Variants in CNTLN observed in about 807,000 individuals in gnomAD.
CNTLN encodes centlein.
CNTLN carries 212 observed loss-of-function variants against 180.0 expected under a neutral mutation model. The ratio of observed to expected loss-of-function variants is 1.18; its 90% CI spans 1.05 to 1.32. The LOEUF (loss-of-function observed/expected upper bound fraction) is 1.32, where lower values mean the gene tolerates loss of function less well. CNTLN is among the 40% of genes most tolerant of loss of function. The pLI, the probability that CNTLN is intolerant of heterozygous loss-of-function variation, is 0.00. For synonymous variants in CNTLN, 722 were observed against 563.1 expected, an observed-to-expected ratio of 1.28 and a Z score of -3.99; for missense variants, 2,095 against 1,610.9, an observed-to-expected ratio of 1.30 and a Z score of -5.14.
chr9:17,413,901 T>C lies in CNTLN; in HGVS notation c.2797-1887T>C, dbSNP rs748485433. ...GAAAATATATGTTTACCAAAAAAAC[T>C]TGTACATGAATGATCATAGAACCTT... is the stretch of plus-strand genomic sequence containing the variant. On this transcript the variant is annotated intron_variant, in intron 16 of 25. Transcript: ENST00000380647. 3.3e-5 allele frequency among the ~76,000 whole-genome samples: 5 copies of C among 152,242 alleles called. No individual in the cohort carries two copies. In the Middle Eastern group the frequency reaches 0.01, roughly 311 times the overall value.
chr9:17,266,961 C>T (rs1587413200), intron 5 of CNTLN, among the ~76,000 whole-genome samples: 1 of 151,988 alleles, frequency 6.6e-6, no homozygotes, highest in African/African-American at 2.4e-5. Context: ...TTCCTGAATA[C>T]AGCACACTGA....
chr9:17,228,799 A>C (rs1707695888), intron 3 of CNTLN, among the ~76,000 whole-genome samples: 1 of 152,130 alleles, frequency 6.6e-6, no homozygotes, highest in Non-Finnish European at 1.5e-5. Context: ...ACTTGATAGT[A>C]ATTCTGAAAA....
At position 17,354,846 on chromosome 9, in the gene CNTLN, C is replaced by G. The variant is rs549922556; in HGVS notation, c.1887-11771C>G. Reference sequence around the variant, plus strand: ...TTGCAATAAATCTTGCTATTGCTCACTCTTTGGGTCCACACTGCTTTTATG... The same window carrying G: ...TTGCAATAAATCTTGCTATTGCTCAGTCTTTGGGTCCACACTGCTTTTATG... On this transcript the variant is annotated intron_variant, in intron 12 of 25. Transcript: ENST00000380647. Among the ~76,000 whole-genome samples, 10 of 152,236 alleles carry G rather than the reference C, an allele frequency of 6.6e-5. No homozygotes were observed. In the East Asian group the frequency reaches 1.6e-3, roughly 24 times the overall value.
intron 12 of CNTLN, among the ~76,000 whole-genome samples, chr9:17,363,947 T>A (rs1296515796): frequency 6.6e-6 from 1 of 152,168 alleles, no homozygotes; most frequent in South Asian, 2.1e-4. Flanking sequence ...ATTTTCCTTC[T>A]GGCTTTGTTT....
chr9:17,345,915 T>G (rs557787105), intron 12 of CNTLN, among the ~76,000 whole-genome samples: 7 of 152,194 alleles, frequency 4.6e-5, no homozygotes, highest in Non-Finnish European at 1.0e-4. Context: ...TTCTTTCAGT[T>G]TGAAGAACTT....
chr9:17,409,296 T>G lies in CNTLN; in HGVS notation c.2619T>G (p.Ser873Arg), dbSNP rs772748358. Residue 873 changes from serine (S) to arginine (R), a missense_variant, in exon 16 of 26, where the codon AGT (serine) becomes AGG (arginine). By Grantham distance (110) the Ser-to-Arg change is moderately radical. Coordinates refer to ENST00000380647, the MANE Select transcript of CNTLN (RefSeq NM_017738.4). ...DGWEDVSESS[S>R]DSEAQTSQTL... is the part of the protein sequence containing the mutation. ...GTCCCTACTTTTTTCTAAAAAGCAG[T>G]GATTCTGAAGCACAGACCTCTCAAA... is the stretch of plus-strand genomic sequence containing the variant. The G allele has an allele frequency of 1.2e-6, 2 of 1,606,438 alleles. No individual in the cohort carries two copies. Among genetic ancestry groups the G allele is most frequent in the Middle Eastern group, 1.7e-4 (1 of 6,056 alleles).
At chr9:17,511,035 C>G in the CNTLN span, among the ~76,000 whole-genome samples, 1 of 152,172 alleles carries the variant, frequency 6.6e-6, no homozygotes, top group Non-Finnish European at 1.5e-5. Context: ...TTCTCCAGGA[C>G]TTGGTACTCT....
At chr9:17,496,026 A>C (rs2383029) in intron 25 of CNTLN, among the ~76,000 whole-genome samples, 56,869 of 151,956 alleles carry the variant, frequency 0.37, 10,844 homozygotes, top group East Asian at 0.53. Flanking sequence ...TTGCCTAACA[A>C]TGTATTTCTC....
At chr9:17,382,535 A>G (rs1825339886) in intron 13 of CNTLN, among the ~76,000 whole-genome samples, 1 of 152,240 alleles carries the variant, frequency 6.6e-6, no homozygotes, top group Admixed American at 6.5e-5. Context: ...ACTTCTTGGA[A>G]TGATTAATAT....
rs145294277 is a variant in CNTLN, at chr9:17,478,621, C to T, written c.3856-5674C>T. 4.6e-5 allele frequency among the ~76,000 whole-genome samples: 7 copies of T among 151,974 alleles called. No individual in the cohort carries two copies. The East Asian group carries it at 1.4e-3, about 29-fold the overall frequency. On this transcript the variant is annotated intron_variant, in intron 23 of 25. Coordinates refer to ENST00000380647, the MANE Select transcript of CNTLN (RefSeq NM_017738.4). ...GCGTCTTCTAGAAATTTTATGCTTT[C>T]AGGTCTGATACTTAAGTCTTTTATC...
Position 17,298,368 on chromosome 9 carries a change from G to C in CNTLN, c.1146+16G>C, listed in dbSNP as rs912913760. 6.3e-7 allele frequency: 1 copy of C among 1,593,822 alleles called. No individual in the cohort carries two copies. Among genetic ancestry groups the C allele is most frequent in the African/African-American group, 1.4e-5 (1 of 73,832 alleles). ...ATATCAAAAAGTATGCTTTTATTCT[G>C]TAATAAAGATGTAAATGTTTATGTA... On this transcript the variant is annotated intron_variant, in intron 7 of 25. Coordinates refer to ENST00000380647, the MANE Select transcript of CNTLN (RefSeq NM_017738.4).
chr9:17,185,385 A>T (rs1223158384), intron 2 of CNTLN, among the ~76,000 whole-genome samples: 1 of 152,244 alleles, frequency 6.6e-6, no homozygotes, highest in Non-Finnish European at 1.5e-5. Context: ...AGGGTTTATC[A>T]AAAGATAATA....
intron 25 of CNTLN, among the ~76,000 whole-genome samples, chr9:17,498,287 A>G (rs1365963185): frequency 1.3e-5 from 2 of 152,098 alleles, no homozygotes; most frequent in African/African-American, 4.8e-5. Context: ...TTTTTCTAAG[A>G]TAGTTCTCAA....
intron 2 of CNTLN, among the ~76,000 whole-genome samples, chr9:17,165,815 C>T (rs938909172): frequency 1.3e-5 from 2 of 152,202 alleles, no homozygotes; most frequent in African/African-American, 4.8e-5. Flanking sequence ...CTGATCTATC[C>T]AGTCATAAGA....
intron 12 of CNTLN, 22 bp from the exon 13 acceptor site, chr9:17,366,595 A>C: frequency 8.4e-7 from 1 of 1,197,458 alleles, no homozygotes; most frequent in Non-Finnish European, 1.2e-6. Flanking sequence ...GTTTTAAGTA[A>C]ATGTTTATTG....
At chr9:17,316,342 T>G (rs1819538353) in intron 8 of CNTLN, among the ~76,000 whole-genome samples, 2 of 152,072 alleles carry the variant, frequency 1.3e-5, no homozygotes, top group South Asian at 4.1e-4. Flanking sequence ...AAAACGTTTC[T>G]CTTGTAGACA....
chr9:17,514,843 C>G, the CNTLN span, among the ~76,000 whole-genome samples: 2 of 152,164 alleles, frequency 1.3e-5, no homozygotes, highest in Non-Finnish European at 2.9e-5. Context: ...GTTAGCTCCT[C>G]TGAACCATGT....
chr9:17,172,272 A>G (rs1230398117), intron 2 of CNTLN, among the ~76,000 whole-genome samples: 1 of 152,178 alleles, frequency 6.6e-6, no homozygotes, highest in East Asian at 1.9e-4. Context: ...TAAGCTCCTT[A>G]GCAGTAATGG....
chr9:17,449,088 A>G (rs769242915), intron 18 of CNTLN, among the ~76,000 whole-genome samples: 1 of 152,180 alleles, frequency 6.6e-6, no homozygotes, highest in African/African-American at 2.4e-5. Context: ...GAGGGCTATG[A>G]CTGAACTCAT....
Sources: gnomAD v4.1 joint callset for allele counts (sites outside exome capture counted in the v4.1 genomes callset) on GRCh38, gnomAD v4.1.1 for gene constraint, MANE v1.5 for transcripts, NCBI Gene and HGNC (gene_info 2026-07-23, HGNC 2026-07-21) for gene names.